Variants in FAM237A observed in about 807,000 individuals in gnomAD.
FAM237A encodes the protein protein FAM237A.
Under a neutral mutation model 12.5 loss-of-function variants are expected in FAM237A, and 14 were observed. The ratio of observed to expected loss-of-function variants is 1.12; its 90% confidence interval spans 0.74 to 1.75. The LOEUF is 1.75. Ranked by LOEUF, FAM237A falls within the 40% of genes most tolerant of loss-of-function variation. The pLI is 0.00. For missense variants in FAM237A, 240 were observed against 211.7 expected (o/e 1.13, Z -0.83); for synonymous variants, 85 against 77.5 (o/e 1.10, Z -0.51).
At chr2:206,645,237 G>C (rs551586989) in intron 2 of FAM237A, among the ~76,000 whole-genome samples, 1 of 152,178 alleles carries the variant, frequency 6.6e-6, no homozygotes, top group Non-Finnish European at 1.5e-5. Context: ...TAATTAACTT[G>C]CAGCAATCTG....
Position 206,642,933 on chromosome 2 carries a change from G to A in FAM237A, c.-11+351G>A, listed in dbSNP as rs942862984. Among the ~76,000 whole-genome samples, 1 of 152,112 alleles carries A rather than the reference G, an allele frequency of 6.6e-6. No homozygotes were observed. On this transcript the variant is annotated intron_variant, in intron 1 of 2. Transcript: ENST00000441223. This position sits in a 1 kb window ranked among gnomAD's most constrained non-coding sequence, Gnocchi z 5.1. ...TTGAGGTACCTCGATATTTTAGTTC[G>A]GAAAGGGACACAACAAATATGATTT...
At chr2:206,645,607 T>C (rs532043022) in intron 2 of FAM237A, among the ~76,000 whole-genome samples, 26 of 152,340 alleles carry the variant, frequency 1.7e-4, no homozygotes, top group African/African-American at 5.8e-4. Flanking sequence ...AACCTCCATA[T>C]TAAAATAGCA....
rs72958643 is a variant in FAM237A at position 206,649,091 on chromosome 2, T to G, written c.*297T>G. On this transcript the variant is annotated 3_prime_UTR_variant, in exon 3 of 3. Transcript: ENST00000441223. ...CTTTGTATTCATTTAATAGTTCATT[T>G]TGGGATGCTTGACATGTTAATAAAC... 1.2e-5 allele frequency: 2 copies of G among 164,024 alleles called. No individual in the cohort carries two copies. The highest frequency in any genetic ancestry group is 4.8e-5 in the African/African-American group (2 of 41,656). The allele number at this position is 164,024 out of a possible 1,614,324, so 10.2% of individuals were successfully genotyped here.
Position 206,642,812 on chromosome 2 carries a change from G to A in FAM237A, c.-11+230G>A, listed in dbSNP as rs971186436. 1.9e-4 allele frequency among the ~76,000 whole-genome samples: 29 copies of A among 152,256 alleles called. No homozygotes were observed. Among genetic ancestry groups the A allele is most frequent in the Admixed American group, 1.9e-3 (29 of 15,288 alleles). On this transcript the variant is annotated intron_variant, in intron 1 of 2. Transcript: ENST00000441223. This position sits in a 1 kb window ranked among gnomAD's most constrained non-coding sequence, Gnocchi z 5.1. ...CAATTTGAGCGCCGTGGCGCCAGCA[G>A]ACAGGGAGTCCCGGATAACGCCAAC...
In FAM237A at chr2:206,648,804, G is replaced by A. The variant is rs781003330; in HGVS notation, c.*10G>A. The A allele has an allele frequency of 4.1e-5, 62 of 1,520,562 alleles. No homozygotes were observed. Among genetic ancestry groups the A allele is most frequent in the South Asian group, 3.0e-4 (23 of 76,826 alleles). The allele number at this position is 1,520,562 out of a possible 1,614,324, so 94.2% of individuals were successfully genotyped here. A position where few individuals can be genotyped will look rare whatever the true frequency, so the allele number is the denominator to read the frequency against. ...AATAAAGAGAAAATAAATTGAACTC[G>A]GAGCTAATTCATGCCTTGGAATTAA... On this transcript the variant is annotated 3_prime_UTR_variant, in exon 3 of 3. Coordinates refer to ENST00000441223, the MANE Select transcript of FAM237A (RefSeq NM_001102659.3).
chr2:206,648,760 T>C lies in FAM237A; in HGVS notation c.512T>C (p.Ile171Thr), dbSNP rs758103717. The C allele has an allele frequency of 3.7e-5, 57 of 1,546,882 alleles. No homozygotes were observed. The East Asian group carries it at 1.3e-3, about 35-fold the overall frequency. ...GTGCGTAGGAGTGGGTCTAGTGTCA[T>C]TGGAAAAGTGAACCTGGAAATAAAG... ...MHVRRSGSSV[I>T]GKVNLEIKRK Residue 171 changes from isoleucine to threonine, a missense_variant, in exon 3 of 3, where the codon ATT (isoleucine) becomes ACT (threonine). Transcript: ENST00000441223.
At chr2:206,648,142 T>G (rs1699340385) in intron 2 of FAM237A, among the ~76,000 whole-genome samples, 1 of 152,184 alleles carries the variant, frequency 6.6e-6, no homozygotes, top group African/African-American at 2.4e-5. Flanking sequence ...CCTAGAAATC[T>G]ACTGTTAAGA....
chr2:206,645,928 T>C (rs1006985764), intron 2 of FAM237A, among the ~76,000 whole-genome samples: 1 of 151,858 alleles, frequency 6.6e-6, no homozygotes, highest in African/African-American at 2.4e-5. Flanking sequence ...TGCCCAGGCA[T>C]CAGCACCAGT....
chr2:206,648,413 T>A (rs1446681947), intron 2 of FAM237A, among the ~76,000 whole-genome samples: 1 of 152,202 alleles, frequency 6.6e-6, no homozygotes, highest in Non-Finnish European at 1.5e-5. Context: ...AATATTTTAA[T>A]GCCTATTAAT....
At chr2:206,647,624 G>GAC (rs1167948240) in intron 2 of FAM237A, among the ~76,000 whole-genome samples, 7 of 102,710 alleles carry the variant, frequency 6.8e-5, no homozygotes, top group African/African-American at 2.2e-4. Flanking sequence ...GGGTGAGAGA[G>GAC]ACACACAGAC....
rs571629952 is a variant in FAM237A at position 206,647,666 on chromosome 2, C to G, written c.413-995C>G. Among the ~76,000 whole-genome samples, 759 of 148,350 alleles carry G rather than the reference C, an allele frequency of 5.1e-3. 3 individuals carry two copies. Among genetic ancestry groups the G allele is most frequent in the South Asian group, 0.023 (109 of 4,684 alleles). Reference sequence around the variant, plus strand: ...ACACACACACACACACACACACACACAGAGAGAGTGTGTGTTAGGGAAAGA... The same window carrying G: ...ACACACACACACACACACACACACAGAGAGAGAGTGTGTGTTAGGGAAAGA... On this transcript the variant is annotated intron_variant, in intron 2 of 2. Transcript: ENST00000441223.
chr2:206,642,836 ACTT>A lies in FAM237A; in HGVS notation c.-11+256_-11+258del, dbSNP rs1377431630. On this transcript the variant is annotated intron_variant, in intron 1 of 2. Coordinates refer to ENST00000441223, the MANE Select transcript of FAM237A (RefSeq NM_001102659.3). This position sits in a 1 kb window ranked among gnomAD's most constrained non-coding sequence, Gnocchi z 5.1. ...AGACAGGGAGTCCCGGATAACGCCA[ACTT>A]CAGTACCTTGGACAGAGTCCTGCCC... Among the ~76,000 whole-genome samples, 1 of 152,248 alleles carries A rather than the reference ACTT, an allele frequency of 6.6e-6. No individual in the cohort carries two copies. Among genetic ancestry groups the A allele is most frequent in the Non-Finnish European group, 1.5e-5 (1 of 68,046 alleles).
chr2:206,648,985 T>C lies in FAM237A; in HGVS notation c.*191T>C. The C allele has an allele frequency of 3.1e-6, 1 of 318,684 alleles. No individual in the cohort carries two copies. Among genetic ancestry groups the C allele is most frequent in the Non-Finnish European group, 5.5e-6 (1 of 181,702 alleles). 19.7% of individuals were successfully genotyped at this position (318,684 alleles called of 1,614,324 possible). A position where few individuals can be genotyped will look rare whatever the true frequency, so the allele number is the denominator to read the frequency against. On this transcript the variant is annotated 3_prime_UTR_variant, in exon 3 of 3. Transcript: ENST00000441223. ...TTATTTATTTTAGGCTGCTAGCATGTTTCTTCTAATGGTGACATTACTGCC... is the reference window on the plus strand; with the variant it reads ...TTATTTATTTTAGGCTGCTAGCATGCTTCTTCTAATGGTGACATTACTGCC...
At chr2:206,646,961 A>G (rs934983995) in intron 2 of FAM237A, among the ~76,000 whole-genome samples, 58 of 152,220 alleles carry the variant, frequency 3.8e-4, no homozygotes, top group Non-Finnish European at 1.2e-4. Context: ...AAGAACTAAA[A>G]TAAGTGTCTA....
Position 206,644,505 on chromosome 2 carries a change from T to C in FAM237A, c.269T>C (p.Leu90Pro), listed in dbSNP as rs778168133. The C allele has an allele frequency of 5.1e-5, 82 of 1,613,930 alleles. No individual in the cohort carries two copies. Among genetic ancestry groups the C allele is most frequent in the Non-Finnish European group, 6.8e-6 (8 of 1,179,898 alleles). Residue 90 changes from leucine (L) to proline (P), a missense_variant, in exon 2 of 3, where the codon CTG (leucine) becomes CCG (proline). Transcript: ENST00000441223. ...KSSENLKHGA[L>P]FWDLAQLFWD... is the part of the protein sequence containing the mutation. The stretch of plus-strand genomic sequence containing the variant: ...TCTGAGAACTTGAAGCATGGAGCAC[T>C]GTTTTGGGATCTGGCCCAACTCTTC...
rs1559299833 is a variant in FAM237A, at chr2:206,644,384, T to A, written c.148T>A (p.Trp50Arg). 1 of 1,613,842 alleles carries A rather than the reference T, an allele frequency of 6.2e-7. No individual in the cohort carries two copies. The highest frequency in any genetic ancestry group is 8.5e-7 in the Non-Finnish European group (1 of 1,179,816). Residue 50 changes from tryptophan to arginine, a missense_variant, in exon 2 of 3, where the codon TGG becomes AGG. Trp to Arg is a moderately radical substitution (Grantham distance 101). Coordinates refer to ENST00000441223, the MANE Select transcript of FAM237A (RefSeq NM_001102659.3). ...TCTTAGCCAAGCTGATCCTCAGTGCTGGGAATCCTCCTCAGTGCTTCTCCT... is the reference window on the plus strand; with the variant it reads ...TCTTAGCCAAGCTGATCCTCAGTGCAGGGAATCCTCCTCAGTGCTTCTCCT... The part of the protein sequence containing the change: ...LALSQADPQC[W>R]ESSSVLLLEM...
At position 206,644,325 on chromosome 2, in the gene FAM237A, C is replaced by A. The variant is rs1352974976; in HGVS notation, c.89C>A (p.Pro30His). The part of the protein sequence containing the change: ...LLIVGMCCVS[P>H]FFCHSQTDLL... ...ATTGTGGGAATGTGCTGTGTATCTC[C>A]TTTCTTCTGCCATAGCCAGACAGAC... is the stretch of plus-strand genomic sequence containing the variant. Residue 30 changes from proline to histidine, a missense_variant, in exon 2 of 3, where the codon CCT (proline) becomes CAT (histidine). Pro to His is a moderately conservative substitution (Grantham distance 77, BLOSUM62 -2). Coordinates refer to ENST00000441223, the MANE Select transcript of FAM237A (RefSeq NM_001102659.3). The A allele has an allele frequency of 3.7e-6, 6 of 1,613,322 alleles. No homozygotes were observed. The African/African-American group carries it at 6.7e-5, about 18-fold the overall frequency.
chr2:206,644,761 C>A, intron 2 of FAM237A, 113 bp downstream of exon 2: 1 of 1,068,292 alleles, frequency 9.4e-7, no homozygotes, highest in Non-Finnish European at 1.3e-6. Context: ...ATATATTCCT[C>A]TCAAGAGGTG....
intron 1 of FAM237A, chr2:206,643,275 T>C (rs1699276017): frequency 6.6e-6 from 1 of 152,182 alleles, no homozygotes; most frequent in Non-Finnish European, 1.5e-5. Flanking sequence ...GCCCTTCCTA[T>C]TTTTTCTTTA....
Sources: allele counts gnomAD v4.1 joint callset (sites outside exome capture counted in the v4.1 genomes callset), GRCh38; gene constraint gnomAD v4.1.1; non-coding constraint Gnocchi (gnomAD v3.1); transcripts MANE v1.5; gene names NCBI Gene and HGNC (gene_info 2026-07-23, HGNC 2026-07-21).